LHCGR: variants seen among roughly 807,000 people sequenced by gnomAD.
LHCGR encodes luteinizing hormone/choriogonadotropin receptor.
LHCGR carries 55 observed loss-of-function variants against 60.7 expected under a neutral mutation model. The ratio of observed to expected loss-of-function variants is 0.91; its 90% CI spans 0.73 to 1.13. The LOEUF (loss-of-function observed/expected upper bound fraction) is 1.13, where lower values mean the gene tolerates loss of function less well. LHCGR is among the 50% of genes most tolerant of loss of function. The pLI is 0.00. For synonymous variants in LHCGR, 337 were observed against 316.5 expected (o/e 1.06, Z -0.69); for missense variants, 862 against 836.0 (o/e 1.03, Z -0.38).
intron 1 of LHCGR, among the ~76,000 whole-genome samples, chr2:48,735,763 G>T (rs374887535): frequency 6.6e-6 from 1 of 152,286 alleles, no homozygotes; most frequent in East Asian, 1.9e-4. Context: ...AGGAAAGAGT[G>T]GGTGGCTGAA....
chr2:48,744,934 A>G (rs1669630374), intron 1 of LHCGR, among the ~76,000 whole-genome samples: 1 of 152,154 alleles, frequency 6.6e-6, no homozygotes, highest in Admixed American at 6.5e-5. Flanking sequence ...GAAAATTTTC[A>G]CAACCTACTC....
chr2:48,731,487 A>G lies in LHCGR; in HGVS notation c.162-189T>C, dbSNP rs7588339. 0.2 allele frequency among the ~76,000 whole-genome samples: 30,387 copies of G among 152,058 alleles called. 5,003 individuals carry two copies. The highest frequency in any genetic ancestry group is 0.44 in the African/African-American group (18,256 of 41,432). On this transcript the variant is annotated intron_variant, in intron 1 of 10. Transcript: ENST00000294954. ...GTGCCATGACTTATTCTTGGTCTTTATCAAAGAGTGTATAATTTTGCGGTT... is the reference window on the plus strand; with the variant it reads ...GTGCCATGACTTATTCTTGGTCTTTGTCAAAGAGTGTATAATTTTGCGGTT...
intron 1 of LHCGR, among the ~76,000 whole-genome samples, chr2:48,732,733 G>A (rs966637628): frequency 5.9e-5 from 9 of 152,102 alleles, no homozygotes; most frequent in Admixed American, 1.3e-4. Context: ...TGTCACATTC[G>A]CTCTATTTCT....
intron 1 of LHCGR, among the ~76,000 whole-genome samples, chr2:48,754,638 A>G (rs555317012): frequency 5.3e-5 from 8 of 151,992 alleles, no homozygotes; most frequent in African/African-American, 1.9e-4. Flanking sequence ...GTAGTCACCT[A>G]CTGTCCCTCC....
At chr2:48,712,312 C>T (rs1668031862) in intron 7 of LHCGR, among the ~76,000 whole-genome samples, 2 of 152,094 alleles carry the variant, frequency 1.3e-5, no homozygotes, top group Non-Finnish European at 2.9e-5. Context: ...GACACTAGGA[C>T]TTAATCATCT....
At chr2:48,698,478 G>T in intron 9 of LHCGR, 137 bp downstream of exon 9, 1 of 713,740 alleles carries the variant, frequency 1.4e-6, no homozygotes. Flanking sequence ...TTGTCTATTT[G>T]AAAGTGACCC....
chr2:48,739,930 C>T (rs969721006), intron 1 of LHCGR, among the ~76,000 whole-genome samples: 1 of 152,192 alleles, frequency 6.6e-6, no homozygotes, highest in Non-Finnish European at 1.5e-5. Flanking sequence ...TCTGAGGTAC[C>T]AGGTTCATCT....
intron 1 of LHCGR, among the ~76,000 whole-genome samples, chr2:48,741,942 A>C (rs1245935203): frequency 1.3e-5 from 2 of 152,140 alleles, no homozygotes; most frequent in South Asian, 2.1e-4. Context: ...GTATTCAGGA[A>C]ACCCATGTCA....
At chr2:48,751,976 A>G (rs1438070765) in intron 1 of LHCGR, among the ~76,000 whole-genome samples, 1 of 152,236 alleles carries the variant, frequency 6.6e-6, no homozygotes, top group African/African-American at 2.4e-5. Context: ...ATAGAGACAA[A>G]GATCTTTATA....
At chr2:48,738,419 C>G (rs1669293086) in intron 1 of LHCGR, among the ~76,000 whole-genome samples, 1 of 152,138 alleles carries the variant, frequency 6.6e-6, no homozygotes, top group Non-Finnish European at 1.5e-5. Context: ...TCTAGAGTCC[C>G]CTAATTGGTT....
At chr2:48,692,646 C>G (rs1016542132) in intron 10 of LHCGR, among the ~76,000 whole-genome samples, 1 of 152,140 alleles carries the variant, frequency 6.6e-6, no homozygotes, top group East Asian at 1.9e-4. Flanking sequence ...AGCACCGCTG[C>G]TCCAGTCACA....
At position 48,742,550 on chromosome 2, in the gene LHCGR, G is replaced by A. The variant is rs1163832272; in HGVS notation, c.162-11252C>T. On this transcript the variant is annotated intron_variant, in intron 1 of 10. Coordinates refer to ENST00000294954, the MANE Select transcript of LHCGR (RefSeq NM_000233.4). ...AGGATTAAGAATCTCACTCAAAACCGCTCAACTACATGGAAACTGAACAAC... is the reference window on the plus strand; with the variant it reads ...AGGATTAAGAATCTCACTCAAAACCACTCAACTACATGGAAACTGAACAAC... Among the ~76,000 whole-genome samples, 583 of 151,748 alleles carry A rather than the reference G, an allele frequency of 3.8e-3. 6 individuals are homozygous for A. Among genetic ancestry groups the A allele is most frequent in the African/African-American group, 0.013 (550 of 41,334 alleles).
intron 3 of LHCGR, 111 bp from the exon 4 acceptor site, chr2:48,725,861 G>C: frequency 1.1e-6 from 1 of 871,818 alleles, no homozygotes. Flanking sequence ...ATCAGCAAAA[G>C]CAGGCGACCT....
At chr2:48,724,174 T>C (rs1010881644) in intron 4 of LHCGR, among the ~76,000 whole-genome samples, 6 of 152,222 alleles carry the variant, frequency 3.9e-5, no homozygotes, top group African/African-American at 9.6e-5. Flanking sequence ...TCTTCCCTTA[T>C]TTAGCTATCT....
chr2:48,734,917 G>T (rs1669150779), intron 1 of LHCGR, among the ~76,000 whole-genome samples: 1 of 152,246 alleles, frequency 6.6e-6, no homozygotes, highest in Non-Finnish European at 1.5e-5. Flanking sequence ...GGTTGAACTT[G>T]CAGGGTGGAG....
At position 48,687,183 on chromosome 2, in the gene LHCGR, A is replaced by T. The variant is rs1199828431; in HGVS notation, c.*514T>A. 6.3e-6 allele frequency: 1 copy of T among 159,204 alleles called. No homozygotes were observed. Among genetic ancestry groups the T allele is most frequent in the Non-Finnish European group, 1.4e-5 (1 of 72,310 alleles). 9.9% of individuals were successfully genotyped at this position (159,204 alleles called of 1,614,324 possible). On this transcript the variant is annotated 3_prime_UTR_variant, in exon 11 of 11. Transcript: ENST00000294954. Reference sequence around the variant, plus strand: ...CACACGTAGCCATTGAGAACTTGAAACGTGGCTAGTGCAACTGAGAAACTA... The same window carrying T: ...CACACGTAGCCATTGAGAACTTGAATCGTGGCTAGTGCAACTGAGAAACTA...
rs545366376 is a variant in LHCGR at position 48,688,752 on chromosome 2, C to T, written c.1045G>A (p.Ala349Thr). The change falls in exon 11 of 11, where the codon GCT (alanine) becomes ACT (threonine). Residue 349 changes from alanine (A) to threonine (T), a missense_variant. By Grantham distance (58) the Ala-to-Thr change is moderately conservative (BLOSUM62 0). Coordinates refer to ENST00000294954, the MANE Select transcript of LHCGR (RefSeq NM_000233.4). This position sits in a 1 kb window ranked among gnomAD's most constrained non-coding sequence, Gnocchi z 5.2. Reference sequence around the variant, plus strand: ...ATAATATCTTCACAGGGATTAAAAGCATCTGGTTCAGGAGCACATCGGGGT... The same window carrying T: ...ATAATATCTTCACAGGGATTAAAAGTATCTGGTTCAGGAGCACATCGGGGT... Reference protein sequence around the residue: ...KTPRCAPEPDAFNPCEDIMGY... With the variant: ...KTPRCAPEPDTFNPCEDIMGY... 1 of 1,614,080 alleles carries T rather than the reference C, an allele frequency of 6.2e-7. No individual in the cohort carries two copies. Among genetic ancestry groups the T allele is most frequent in the Non-Finnish European group, 8.5e-7 (1 of 1,179,976 alleles).
intron 1 of LHCGR, among the ~76,000 whole-genome samples, chr2:48,740,491 AT>A (rs1411824132): frequency 6.6e-6 from 1 of 152,142 alleles, no homozygotes; most frequent in Non-Finnish European, 1.5e-5. Flanking sequence ...GCAGCTGGAG[AT>A]CTGAGAACAG....
chr2:48,754,294 T>C (rs1285665491), intron 1 of LHCGR, among the ~76,000 whole-genome samples: 2 of 152,172 alleles, frequency 1.3e-5, no homozygotes, highest in Non-Finnish European at 2.9e-5. Flanking sequence ...GTCTCCTCTA[T>C]GAAACAGCCC....
Sources: gnomAD v4.1 joint callset for allele counts (sites outside exome capture counted in the v4.1 genomes callset) on GRCh38, gnomAD v4.1.1 for gene constraint, Gnocchi (gnomAD v3.1) non-coding constraint, MANE v1.5 for transcripts, NCBI Gene and HGNC (gene_info 2026-07-23, HGNC 2026-07-21) for gene names.